Variants in STX4 observed in about 807,000 individuals in gnomAD.
STX4 encodes syntaxin 4, also known as syntaxin-4.
A neutral mutation model predicts 41.8 loss-of-function variants in STX4; 24 were observed. The ratio of observed to expected loss-of-function variants is 0.57; its 90% CI spans 0.42 to 0.81. The LOEUF (loss-of-function observed/expected upper bound fraction) is 0.81. STX4 is among the 30% of genes least tolerant of loss of function. The pLI, the probability that STX4 is intolerant of heterozygous loss-of-function variation, is 0.00. For synonymous variants in STX4, 158 were observed against 156.4 expected, an observed-to-expected ratio of 1.01 and a Z score of -0.08; for missense variants, 316 against 389.9, an observed-to-expected ratio of 0.81 and a Z score of 1.60.
chr16:31,037,053 G>GGC (rs762041040), intron 5 of STX4, among the ~76,000 whole-genome samples: 4 of 44,096 alleles, frequency 9.1e-5, no homozygotes, highest in East Asian at 2.8e-3. Context: ...AATATAGTGA[G>GGC]ACCCCCCCCC....
intron 5 of STX4, 114 bp downstream of exon 5, chr16:31,035,154 T>C (rs551215800): frequency 1.3e-6 from 1 of 782,380 alleles, no homozygotes; most frequent in South Asian, 2.5e-5. Flanking sequence ...TTGGATGACT[T>C]TTCCAAATGG....
upstream of STX4, chr16:31,033,334 T>C (rs1596733136): frequency 1.3e-6 from 1 of 782,250 alleles, no homozygotes; most frequent in East Asian, 2.7e-5. The surrounding 1 kb of genome is among the most constrained non-coding windows in gnomAD (Gnocchi z 5.5). Context: ...TGATGTGAGA[T>C]GCGGGTGTCT....
Position 31,033,566 on chromosome 16 carries a change from T to C in STX4, c.-240T>C. ...TATCACGGAGGGGCGGGGCTGAGGC[T>C]GCGGGAGCTGGAGCGGGGAAGAAAA... On this transcript the variant is annotated 5_prime_UTR_variant, in exon 1 of 11. Transcript: ENST00000313843. This position sits in a 1 kb window ranked among gnomAD's most constrained non-coding sequence, Gnocchi z 5.5. The C allele has an allele frequency of 6.5e-7, 1 of 1,544,316 alleles. No homozygotes were observed. Among genetic ancestry groups the C allele is most frequent in the Non-Finnish European group, 8.7e-7 (1 of 1,142,986 alleles).
chr16:31,038,409 A>C lies in STX4; in HGVS notation c.565-101A>C. On this transcript the variant is annotated intron_variant, in intron 7 of 10. Transcript: ENST00000313843. ...TTAATTAGCCTGCCTGGAGTCACCCATCAGATTCCAGGCTGAGGGCTCCCC... is the reference window on the plus strand; with the variant it reads ...TTAATTAGCCTGCCTGGAGTCACCCCTCAGATTCCAGGCTGAGGGCTCCCC... 3 of 1,517,586 alleles carry C rather than the reference A, an allele frequency of 2.0e-6. 1 individual carries two copies. The highest frequency in any genetic ancestry group is 3.4e-4 in the Middle Eastern group (2 of 5,824). 94.0% of individuals were successfully genotyped at this position (1,517,586 alleles called of 1,614,324 possible).
intron 5 of STX4, 52 bp from the exon 6 acceptor site, chr16:31,037,874 G>C: frequency 2.5e-6 from 4 of 1,602,644 alleles, no homozygotes; most frequent in Non-Finnish European, 3.4e-6. Flanking sequence ...CCGAGGCACC[G>C]ACCGGGCAGG....
intron 7 of STX4, 118 bp downstream of exon 7, chr16:31,038,308 A>G: frequency 7.1e-7 from 1 of 1,412,904 alleles, no homozygotes; most frequent in Non-Finnish European, 9.8e-7. Flanking sequence ...AGTAGCTGGG[A>G]CTATAGGTGC....
chr16:31,034,110 A>G lies in STX4; in HGVS notation c.128A>G (p.His43Arg). 1 of 1,608,914 alleles carries G rather than the reference A, an allele frequency of 6.2e-7. No individual in the cohort carries two copies. The highest frequency in any genetic ancestry group is 8.5e-7 in the Non-Finnish European group (1 of 1,176,690). ...GGGAGCCCGGACGAGGAGTTCTTCC[A>G]CAAGGTAAGGGGCTGGGGTCTCCGC... ...RLGSPDEEFF[H>R]KVRTIRQTIV... The change falls in exon 2 of 11, where the codon CAC (histidine) becomes CGC (arginine). Residue 43 changes from histidine (H) to arginine (R), a missense_variant. Coordinates refer to ENST00000313843, the MANE Select transcript of STX4 (RefSeq NM_004604.5).
rs1234122201 is a variant in STX4, at chr16:31,039,743, C to T, written c.834C>T (p.Ile278=). ...KARKKKVLIA[I]CVSITVVLLA... is the part of the protein sequence containing the mutation. ...CACAGAAGAAAGTCTTGATTGCCAT[C>T]TGTGTGTCCATCACCGTCGTCCTCC... Residue 278 remains isoleucine (I), a synonymous_variant, in exon 10 of 11, where the codon ATC becomes ATT. Coordinates refer to ENST00000313843, the MANE Select transcript of STX4 (RefSeq NM_004604.5). The surrounding 1 kb of genome is among the most constrained non-coding windows in gnomAD (Gnocchi z 4.1). 13 of 1,614,112 alleles carry T rather than the reference C, an allele frequency of 8.1e-6. No homozygotes were observed. The highest frequency in any genetic ancestry group is 9.3e-6 in the Non-Finnish European group (11 of 1,180,050).
chr16:31,033,289 G>T, upstream of STX4: 1 of 715,848 alleles, frequency 1.4e-6, no homozygotes. This position sits in a 1 kb window ranked among gnomAD's most constrained non-coding sequence, Gnocchi z 5.5. Context: ...TTTGGGACCG[G>T]GCTGGTCACG....
intron 5 of STX4, among the ~76,000 whole-genome samples, chr16:31,036,226 G>A (rs2056798686): frequency 1.3e-5 from 2 of 152,082 alleles, no homozygotes; most frequent in Admixed American, 1.3e-4. Flanking sequence ...AGCAGCTTGG[G>A]CATCTTGGAA....
rs2056776138 is a variant in STX4, at chr16:31,033,912, G to A, written c.30+77G>A. ...GGACTTCTGGTCTTCGGGATAGGGAGGGGTGGCTGATGGCCAGGAAGGAAA... is the reference window on the plus strand; with the variant it reads ...GGACTTCTGGTCTTCGGGATAGGGAAGGGTGGCTGATGGCCAGGAAGGAAA... On this transcript the variant is annotated intron_variant, in intron 1 of 10. Coordinates refer to ENST00000313843, the MANE Select transcript of STX4 (RefSeq NM_004604.5). The surrounding 1 kb of genome is among the most constrained non-coding windows in gnomAD (Gnocchi z 5.5). 1 of 1,457,784 alleles carries A rather than the reference G, an allele frequency of 6.9e-7. No individual in the cohort carries two copies. The highest frequency in any genetic ancestry group is 1.4e-5 in the South Asian group (1 of 69,272). The allele number at this position is 1,457,784 out of a possible 1,614,324, so 90.3% of individuals were successfully genotyped here.
Position 31,039,009 on chromosome 16 carries a change from G to A in STX4, c.702+362G>A. ...TAACATCTGTACAAGGCTGGGGTGG[G>A]GGCGGCGTTCCCCTGGCCCTGGTTG... On this transcript the variant is annotated intron_variant, in intron 8 of 10. Transcript: ENST00000313843. The surrounding 1 kb of genome is among the most constrained non-coding windows in gnomAD (Gnocchi z 4.1). 3.8e-6 allele frequency: 1 copy of A among 264,644 alleles called. No homozygotes were observed. Among genetic ancestry groups the A allele is most frequent in the South Asian group, 5.0e-5 (1 of 20,044 alleles). 16.4% of individuals were successfully genotyped at this position (264,644 alleles called of 1,614,324 possible).
rs752148594 is a variant in STX4 at position 31,035,045 on chromosome 16, G to GT, written c.378+13dup. On this transcript the variant is annotated splice_donor_region_variant and intron_variant, in intron 5 of 10. Transcript: ENST00000313843. ...ACAAGAATGAGAAAAACCCAGGTGG[G>GT]TTTTTTTTCTCAGAAATGAGGACAT... 331 of 1,596,812 alleles carry GT rather than the reference G, an allele frequency of 2.1e-4. 1 individual carries two copies. In the South Asian group the frequency reaches 2.4e-3, roughly 12 times the overall value.
At chr16:31,034,199 T>C in intron 2 of STX4, 27 bp from the exon 3 acceptor site, 1 of 1,613,978 alleles carries the variant, frequency 6.2e-7, no homozygotes, top group Non-Finnish European at 8.5e-7. Context: ...CCATATCTCT[T>C]TCAGCCCTCT....
intron 3 of STX4, 47 bp from the exon 4 acceptor site, chr16:31,034,415 T>G (rs774392470): frequency 1.7e-5 from 28 of 1,603,182 alleles, no homozygotes; most frequent in Admixed American, 5.1e-5. Context: ...GAGTGGTTTG[T>G]TGAGGTGGGG....
chr16:31,035,064 A>C (rs768565347), intron 5 of STX4, 24 bp downstream of exon 5: 6 of 1,576,030 alleles, frequency 3.8e-6, no homozygotes, highest in Non-Finnish European at 5.2e-6. Flanking sequence ...CTCAGAAATG[A>C]GGACATTTCA....
intron 5 of STX4, among the ~76,000 whole-genome samples, chr16:31,037,120 G>A (rs1300673348): frequency 6.8e-6 from 1 of 146,746 alleles, no homozygotes; most frequent in Non-Finnish European, 1.5e-5. Context: ...CTGGAGTACA[G>A]TGGTGCCATC....
chr16:31,038,487 C>T (rs1487364410), intron 7 of STX4, 23 bp from the exon 8 acceptor site: 2 of 1,613,668 alleles, frequency 1.2e-6, no homozygotes, highest in African/African-American at 1.3e-5. Context: ...TGAACAGTTG[C>T]CCCACTCCTG....
intron 5 of STX4, among the ~76,000 whole-genome samples, chr16:31,036,923 G>A (rs2056803150): frequency 6.6e-6 from 1 of 152,002 alleles, no homozygotes; most frequent in South Asian, 2.1e-4. Flanking sequence ...GAGAGGTCAT[G>A]GGAGAAGGAG....
Sources: allele counts gnomAD v4.1 joint callset (sites outside exome capture counted in the v4.1 genomes callset), GRCh38; gene constraint gnomAD v4.1.1; non-coding constraint Gnocchi (gnomAD v3.1); transcripts MANE v1.5; gene names NCBI Gene and HGNC (gene_info 2026-07-23, HGNC 2026-07-21).